The following SOX5 variants were observed in gnomAD, a reference collection of about 807,000 sequenced individuals.
The protein encoded by SOX5 is SRY-box transcription factor 5.
Under a neutral mutation model 92.0 loss-of-function variants are expected in SOX5, and 9 were observed. That is an observed-to-expected ratio of 0.10 (90% CI 0.06 to 0.17). SOX5 has a LOEUF of 0.17. Among genes scored for constraint, SOX5 ranks in the 10% least tolerant of loss-of-function variants. The probability of loss-of-function intolerance (pLI) is 1.00; values close to 1 mark genes in which losing one functional copy is unlikely to be tolerated. For synonymous variants in SOX5, 344 were observed against 336.3 expected (o/e 1.02, Z -0.25); for missense variants, 642 against 944.5 (o/e 0.68, Z 4.20).
At position 23,629,008 on chromosome 12, in the gene SOX5, G is replaced by A. The variant is rs142311763; in HGVS notation, c.1017+11804C>T. Among the ~76,000 whole-genome samples, 866 of 151,978 alleles carry A rather than the reference G, an allele frequency of 5.7e-3. 3 individuals are homozygous for A. Among genetic ancestry groups the A allele is most frequent in the South Asian group, 0.015 (71 of 4,806 alleles). On this transcript the variant is annotated intron_variant, in intron 8 of 14. Transcript: ENST00000451604. ...TTGAATACTATCTTTCTTCTAAGAA[G>A]CAAATAAAATGTCAACAAGACTTGT...
intron 8 of SOX5, among the ~76,000 whole-genome samples, chr12:23,630,035 G>C (rs962106182): frequency 4.6e-5 from 7 of 151,790 alleles, no homozygotes; most frequent in African/African-American, 1.7e-4. Flanking sequence ...GTGTATCAAG[G>C]ACATGTATCT....
chr12:24,398,870 G>A (rs938556425), intron 1 of SOX5, among the ~76,000 whole-genome samples: 4 of 151,562 alleles, frequency 2.6e-5, no homozygotes, highest in African/African-American at 9.8e-5. Context: ...TACCAGTGCT[G>A]TGGACACGTG....
chr12:23,726,549 A>G (rs900524497), intron 6 of SOX5, among the ~76,000 whole-genome samples: 4 of 152,214 alleles, frequency 2.6e-5, no homozygotes, highest in East Asian at 1.9e-4. Flanking sequence ...AACATTCCCA[A>G]ATCTTTCTGT....
intron 2 of SOX5, among the ~76,000 whole-genome samples, chr12:24,284,775 T>C (rs1945651779): frequency 6.6e-6 from 1 of 152,186 alleles, no homozygotes; most frequent in South Asian, 2.1e-4. Context: ...TAGGTTGCTC[T>C]TTTACAATTT....
intron 1 of SOX5, among the ~76,000 whole-genome samples, chr12:23,927,252 G>C (rs971964335): frequency 6.6e-6 from 1 of 151,906 alleles, no homozygotes; most frequent in Non-Finnish European, 1.5e-5. Flanking sequence ...TTGGCTCTCT[G>C]GTAACTTCTA....
At chr12:24,144,155 A>G (rs1252011617) in intron 4 of SOX5, among the ~76,000 whole-genome samples, 1 of 152,196 alleles carries the variant, frequency 6.6e-6, no homozygotes, top group East Asian at 1.9e-4. Flanking sequence ...AAACAATGCA[A>G]GCAAGCAGTG....
chr12:24,386,115 C>A (rs1170102520), intron 1 of SOX5, among the ~76,000 whole-genome samples: 2 of 152,044 alleles, frequency 1.3e-5, no homozygotes, highest in Non-Finnish European at 2.9e-5. Flanking sequence ...TCTAGTTCAA[C>A]TTCATTTCAT....
At chr12:23,901,373 T>C (rs1320519814) in intron 1 of SOX5, among the ~76,000 whole-genome samples, 1 of 152,172 alleles carries the variant, frequency 6.6e-6, no homozygotes, top group African/African-American at 2.4e-5. Flanking sequence ...AAGAATACAT[T>C]TGTATTTTTT....
chr12:23,537,345 G>GA (rs1249155411), intron 13 of SOX5, among the ~76,000 whole-genome samples: 1 of 152,044 alleles, frequency 6.6e-6, no homozygotes, highest in Non-Finnish European at 1.5e-5. Flanking sequence ...TCATAGATGA[G>GA]AAAATTGAGA....
chr12:24,004,411 T>C (rs190370618), intron 4 of SOX5, among the ~76,000 whole-genome samples: 34 of 152,028 alleles, frequency 2.2e-4, no homozygotes, highest in Admixed American at 1.2e-3. Flanking sequence ...GAAGAACTCT[T>C]AAAACTCAAT....
At chr12:23,967,047 T>A (rs1027388636) in intron 4 of SOX5, among the ~76,000 whole-genome samples, 11 of 152,210 alleles carry the variant, frequency 7.2e-5, no homozygotes, top group Non-Finnish European at 1.6e-4. Context: ...AGATTGTTTA[T>A]GTTGCATACA....
chr12:24,387,359 G>C (rs901500112), intron 1 of SOX5, among the ~76,000 whole-genome samples: 1 of 151,954 alleles, frequency 6.6e-6, no homozygotes. Flanking sequence ...AGATTTTTTT[G>C]CAATTTTTTA....
intron 4 of SOX5, among the ~76,000 whole-genome samples, chr12:24,142,164 C>G (rs1950644819): frequency 6.6e-6 from 1 of 152,176 alleles, no homozygotes; most frequent in African/African-American, 2.4e-5. Context: ...ACAGAAACAT[C>G]AAATCCACAA....
At chr12:24,171,133 GATCT>G (rs1258771793) in intron 4 of SOX5, among the ~76,000 whole-genome samples, 2 of 74,222 alleles carry the variant, frequency 2.7e-5, no homozygotes, top group Non-Finnish European at 5.0e-5. Flanking sequence ...CTGCTCCCAA[GATCT>G]ATTTTTTTTT....
At chr12:24,122,917 G>T (rs1316305880) in intron 4 of SOX5, among the ~76,000 whole-genome samples, 4 of 152,224 alleles carry the variant, frequency 2.6e-5, no homozygotes, top group Non-Finnish European at 5.9e-5. Flanking sequence ...CTGAGAAACT[G>T]CTCTTGGGCT....
chr12:23,710,012 A>G (rs1011420572), intron 6 of SOX5, among the ~76,000 whole-genome samples: 3 of 152,174 alleles, frequency 2.0e-5, no homozygotes, highest in Admixed American at 6.6e-5. Flanking sequence ...ATCAAGACCT[A>G]TTTTTACTGA....
chr12:23,902,231 G>A (rs1281805142), intron 1 of SOX5, among the ~76,000 whole-genome samples: 1 of 152,036 alleles, frequency 6.6e-6, no homozygotes, highest in Non-Finnish European at 1.5e-5. Flanking sequence ...AAGATATTCT[G>A]CATTTGGAAC....
At chr12:24,033,567 A>C (rs1955722801) in intron 4 of SOX5, among the ~76,000 whole-genome samples, 1 of 152,018 alleles carries the variant, frequency 6.6e-6, no homozygotes. Flanking sequence ...TTCAGACAGG[A>C]TGGTTCTCAC....
chr12:24,348,444 G>A (rs902925669), intron 2 of SOX5, among the ~76,000 whole-genome samples: 1 of 151,846 alleles, frequency 6.6e-6, no homozygotes, highest in Non-Finnish European at 1.5e-5. Flanking sequence ...GAGCAGTGGC[G>A]TGATCTTGGC....
Sources: gnomAD v4.1 joint callset for allele counts (sites outside exome capture counted in the v4.1 genomes callset) on GRCh38, gnomAD v4.1.1 for gene constraint, MANE v1.5 for transcripts, NCBI Gene and HGNC (gene_info 2026-07-23, HGNC 2026-07-21) for gene names.